Variants in MMD2 observed in about 807,000 individuals in gnomAD.
MMD2 encodes the protein monocyte to macrophage differentiation factor 2.
In MMD2, 30 loss-of-function variants were observed where a neutral mutation model predicts 33.5. The ratio of observed to expected loss-of-function variants is 0.90; its 90% CI spans 0.67 to 1.22. The LOEUF is 1.22. MMD2 is among the 50% of genes most tolerant of loss of function. The pLI, the probability that MMD2 is intolerant of heterozygous loss-of-function variation, is 0.00. For synonymous variants in MMD2, 129 were observed against 123.0 expected (o/e 1.05, Z -0.32); for missense variants, 364 against 325.4 (o/e 1.12, Z -0.91).
intron 1 of MMD2, among the ~76,000 whole-genome samples, chr7:4,947,135 G>A (rs1001683439): frequency 6.6e-6 from 1 of 152,010 alleles, no homozygotes; most frequent in Non-Finnish European, 1.5e-5. Context: ...TTGAACTCGG[G>A]AGGTGGAGTT....
In MMD2 at chr7:4,916,078, T is replaced by A; in HGVS notation, c.292A>T (p.Met98Leu). 6.2e-7 allele frequency: 1 copy of A among 1,613,476 alleles called. No individual in the cohort carries two copies. Among genetic ancestry groups the A allele is most frequent in the South Asian group, 1.1e-5 (1 of 91,052 alleles). Reference sequence around the variant, plus strand: ...AACATGTGTAGACAGTGTTCCACCATCCTAGGGCGGCAGAGAAGCCGGCAG... The same window carrying A: ...AACATGTGTAGACAGTGTTCCACCAACCTAGGGCGGCAGAGAAGCCGGCAG... The part of the protein sequence containing the change: ...TISWKKSHLR[M>L]VEHCLHMFDR... Residue 98 changes from methionine to leucine, a missense_variant and splice_region_variant, in exon 4 of 7, where the codon ATG becomes TTG. By Grantham distance (15) the Met-to-Leu change is conservative (BLOSUM62 2). Coordinates refer to ENST00000401401, the MANE Select transcript of MMD2 (RefSeq NM_198403.4).
the MMD2 span, among the ~76,000 whole-genome samples, chr7:4,893,337 C>G: frequency 6.6e-6 from 1 of 151,434 alleles, no homozygotes. Context: ...CCAAGGGCTG[C>G]TGGTTGGCTA....
chr7:4,903,641 G>A (rs889568802), downstream of MMD2, among the ~76,000 whole-genome samples: 1 of 152,252 alleles, frequency 6.6e-6, no homozygotes, highest in Non-Finnish European at 1.5e-5. Flanking sequence ...CAGCCGGGGT[G>A]TGGGAGGTGT....
At chr7:4,943,468 C>G (rs1308015130) in intron 1 of MMD2, among the ~76,000 whole-genome samples, 2 of 152,138 alleles carry the variant, frequency 1.3e-5, no homozygotes, top group Non-Finnish European at 2.9e-5. Context: ...AACTCACACC[C>G]TACCCATTTC....
chr7:4,940,943 C>T lies in MMD2; in HGVS notation c.48-15411G>A, dbSNP rs1382951281. ...CACCCTGTGGCTCCCCGGGAAATCT[C>T]TTCCCCTATGGGATGAGAAGGGTCC... On this transcript the variant is annotated intron_variant, in intron 1 of 6. Coordinates refer to ENST00000401401, the MANE Select transcript of MMD2 (RefSeq NM_198403.4). This position sits in a 1 kb window ranked among gnomAD's most constrained non-coding sequence, Gnocchi z 5.0. Among the ~76,000 whole-genome samples the T allele has an allele frequency of 6.6e-6, 1 of 152,158 alleles. No homozygotes were observed. The highest frequency in any genetic ancestry group is 1.5e-5 in the Non-Finnish European group (1 of 68,042).
chr7:4,899,393 C>T, the MMD2 span, among the ~76,000 whole-genome samples: 1 of 145,302 alleles, frequency 6.9e-6, no homozygotes, highest in African/African-American at 2.5e-5. Context: ...ATGTATTTTT[C>T]TTTTTTTTTT....
downstream of MMD2, among the ~76,000 whole-genome samples, chr7:4,902,627 TACC>T (rs1228498763): frequency 6.6e-6 from 1 of 152,016 alleles, no homozygotes; most frequent in Non-Finnish European, 1.5e-5. Context: ...ACCTGCTGAA[TACC>T]ACGCCTGTGA....
intron 1 of MMD2, among the ~76,000 whole-genome samples, chr7:4,938,536 T>C: frequency 6.6e-6 from 1 of 152,056 alleles, no homozygotes; most frequent in East Asian, 1.9e-4. Context: ...CTCCCAAAGG[T>C]CCCACCCCTC....
At chr7:4,932,404 T>C (rs184305735) in intron 1 of MMD2, among the ~76,000 whole-genome samples, 2 of 152,332 alleles carry the variant, frequency 1.3e-5, no homozygotes, top group African/African-American at 4.8e-5. Flanking sequence ...CATATTTTAA[T>C]TTGCTTTATA....
intron 3 of MMD2, 123 bp from the exon 4 acceptor site, chr7:4,916,202 C>T: frequency 2.6e-6 from 2 of 776,866 alleles, no homozygotes; most frequent in Non-Finnish European, 4.3e-6. Context: ...GCTCCTCTGT[C>T]CAGCCAAGAC....
intron 3 of MMD2, among the ~76,000 whole-genome samples, chr7:4,916,311 C>T (rs1045463102): frequency 2.0e-5 from 3 of 150,432 alleles, no homozygotes; most frequent in East Asian, 2.0e-4. Flanking sequence ...CACCTTGCCT[C>T]GGGGGTCCCA....
At chr7:4,944,246 G>T (rs1388940868) in intron 1 of MMD2, among the ~76,000 whole-genome samples, 1 of 151,862 alleles carries the variant, frequency 6.6e-6, no homozygotes, top group African/African-American at 2.4e-5. Context: ...CCGCACTTCA[G>T]CCTGGGCAAC....
At chr7:4,953,045 G>T (rs985358786) in intron 1 of MMD2, among the ~76,000 whole-genome samples, 3 of 151,674 alleles carry the variant, frequency 2.0e-5, no homozygotes, top group Non-Finnish European at 4.4e-5. Context: ...TCGATATAAT[G>T]GTCAGGGTGG....
chr7:4,925,398 C>G, intron 2 of MMD2, 53 bp downstream of exon 2: 2 of 1,405,838 alleles, frequency 1.4e-6, no homozygotes, highest in Non-Finnish European at 9.6e-7. Flanking sequence ...CCCCACCCCC[C>G]TTCCCCGGAA....
At chr7:4,924,048 C>G (rs1181944629) in intron 2 of MMD2, among the ~76,000 whole-genome samples, 2 of 152,084 alleles carry the variant, frequency 1.3e-5, no homozygotes, top group Non-Finnish European at 2.9e-5. Context: ...AAAAATTAGC[C>G]GGGCTTGGTG....
At chr7:4,909,818 G>A (rs999909775) in intron 6 of MMD2, 63 bp downstream of exon 6, 2 of 1,557,768 alleles carry the variant, frequency 1.3e-6, no homozygotes, top group Non-Finnish European at 1.7e-6. Flanking sequence ...CAACAGCCAG[G>A]TCCAGCTCGG....
intron 5 of MMD2, 107 bp downstream of exon 5, chr7:4,911,038 T>C: frequency 1.1e-6 from 1 of 943,148 alleles, no homozygotes; most frequent in Non-Finnish European, 1.6e-6. Context: ...AGAGCTGTGC[T>C]CTCACGATTA....
chr7:4,900,924 G>A, the MMD2 span, among the ~76,000 whole-genome samples: 1 of 152,098 alleles, frequency 6.6e-6, no homozygotes, highest in Non-Finnish European at 1.5e-5. Context: ...TGGATCACCT[G>A]AGGTCAGGAG....
chr7:4,952,516 A>C (rs1021179550), intron 1 of MMD2, among the ~76,000 whole-genome samples: 1 of 152,152 alleles, frequency 6.6e-6, no homozygotes, highest in South Asian at 2.1e-4. Context: ...CCAACACTGC[A>C]TGGTATCAGC....
Sources: allele counts gnomAD v4.1 joint callset (sites outside exome capture counted in the v4.1 genomes callset), GRCh38; gene constraint gnomAD v4.1.1; non-coding constraint Gnocchi (gnomAD v3.1); transcripts MANE v1.5; gene names NCBI Gene and HGNC (gene_info 2026-07-23, HGNC 2026-07-21).